GALNTL6: variants seen among roughly 807,000 people sequenced by gnomAD.
GALNTL6 encodes the protein polypeptide N-acetylgalactosaminyltransferase like 6.
In GALNTL6, 46 loss-of-function variants were observed where a neutral mutation model predicts 73.7. The observed-to-expected ratio is 0.62, with a 90% CI of 0.49 to 0.80. GALNTL6 has a LOEUF of 0.80. Among genes scored for constraint, GALNTL6 ranks in the 30% least tolerant of loss-of-function variants. The pLI, the probability that GALNTL6 is intolerant of heterozygous loss-of-function variation, is 0.00. For missense variants in GALNTL6, 604 were observed against 755.0 expected, an observed-to-expected ratio of 0.80 and a Z score of 2.34; for synonymous variants, 259 against 263.7, an observed-to-expected ratio of 0.98 and a Z score of 0.17.
chr4:172,070,546 T>C lies in GALNTL6; in HGVS notation c.139-159110T>C, dbSNP rs1198063681. On this transcript the variant is annotated intron_variant, in intron 2 of 12. Coordinates refer to ENST00000506823, the MANE Select transcript of GALNTL6 (RefSeq NM_001034845.3). ...TATAAGCCAGCTCTGTCTGGCTCTC[T>C]TTCTCTTGCCTATTTGCCACATGAT... 1.6e-4 allele frequency among the ~76,000 whole-genome samples: 18 copies of C among 109,392 alleles called. 6 individuals carry two copies. The highest frequency in any genetic ancestry group is 6.2e-4 in the African/African-American group (18 of 28,912). 71.8% of individuals were successfully genotyped at this position (109,392 alleles called of 152,430 possible).
chr4:172,225,260 G>A (rs1736814640), intron 2 of GALNTL6, among the ~76,000 whole-genome samples: 1 of 152,034 alleles, frequency 6.6e-6, no homozygotes, highest in South Asian at 2.1e-4. Flanking sequence ...TCTACTGGAT[G>A]GTTAAGCTTT....
At chr4:172,021,922 G>A (rs77620614) in intron 2 of GALNTL6, among the ~76,000 whole-genome samples, 2,204 of 152,004 alleles carry the variant, frequency 0.014, 51 homozygotes, top group African/African-American at 0.046. Context: ...GCTTTCCATA[G>A]GCAAAACTCA....
chr4:172,076,124 T>C (rs1412776596), intron 2 of GALNTL6, among the ~76,000 whole-genome samples: 1 of 152,214 alleles, frequency 6.6e-6, no homozygotes, highest in African/African-American at 2.4e-5. Context: ...ACCACCATTT[T>C]GGGAATTGAC....
chr4:171,818,036 A>G (rs568311927), intron 2 of GALNTL6, among the ~76,000 whole-genome samples: 11 of 151,700 alleles, frequency 7.3e-5, no homozygotes, highest in African/African-American at 2.6e-4. Flanking sequence ...ATATATATGT[A>G]TATTAAAAGA....
intron 12 of GALNTL6, among the ~76,000 whole-genome samples, chr4:173,038,280 G>A (rs180865132): frequency 1.9e-3 from 286 of 152,308 alleles, no homozygotes; most frequent in African/African-American, 6.5e-3. Context: ...GGGAAGAAGA[G>A]AGAAGACAGC....
At chr4:172,859,420 A>G (rs919288458) in intron 7 of GALNTL6, among the ~76,000 whole-genome samples, 1 of 152,174 alleles carries the variant, frequency 6.6e-6, no homozygotes, top group East Asian at 1.9e-4. Context: ...GCGCTTCAGT[A>G]TAAGAAGCCC....
At chr4:172,288,260 T>A (rs910075391) in intron 3 of GALNTL6, among the ~76,000 whole-genome samples, 1 of 151,912 alleles carries the variant, frequency 6.6e-6, no homozygotes, top group Admixed American at 6.6e-5. Flanking sequence ...CCAGCTAATT[T>A]TTTTGTATTT....
chr4:172,190,096 CAAGT>C (rs1223386535), intron 2 of GALNTL6, among the ~76,000 whole-genome samples: 1 of 152,036 alleles, frequency 6.6e-6, no homozygotes, highest in Non-Finnish European at 1.5e-5. Context: ...TAAAAGAATA[CAAGT>C]AAGAAAAGGG....
chr4:172,382,168 C>T (rs1196355803), intron 5 of GALNTL6, among the ~76,000 whole-genome samples: 1 of 152,082 alleles, frequency 6.6e-6, no homozygotes, highest in African/African-American at 2.4e-5. Context: ...GGGGTTTCAC[C>T]ATTTTGGCAA....
chr4:172,671,364 AC>A (rs1403137091), intron 5 of GALNTL6, among the ~76,000 whole-genome samples: 1 of 151,310 alleles, frequency 6.6e-6, no homozygotes, highest in African/African-American at 2.4e-5. Flanking sequence ...GAGATGTTTC[AC>A]CTCCCTAGTT....
intron 3 of GALNTL6, among the ~76,000 whole-genome samples, chr4:172,257,228 T>A (rs899419059): frequency 6.6e-6 from 1 of 151,400 alleles, no homozygotes; most frequent in Non-Finnish European, 1.5e-5. Context: ...ATTGCTACAC[T>A]TTGCACTCAT....
At chr4:172,993,746 T>C (rs1465296583) in intron 10 of GALNTL6, among the ~76,000 whole-genome samples, 2 of 152,186 alleles carry the variant, frequency 1.3e-5, no homozygotes, top group Non-Finnish European at 2.9e-5. Context: ...AATCTCACTG[T>C]CTTCCCAAGA....
chr4:171,827,231 C>T (rs1334995495), intron 2 of GALNTL6, among the ~76,000 whole-genome samples: 1 of 152,110 alleles, frequency 6.6e-6, no homozygotes. Context: ...AGGAAGATTA[C>T]TTTATTACTC....
intron 11 of GALNTL6, among the ~76,000 whole-genome samples, chr4:173,016,545 T>C (rs1020241354): frequency 2.6e-5 from 4 of 152,222 alleles, no homozygotes; most frequent in African/African-American, 9.6e-5. Context: ...CCACTGGATT[T>C]TGGACTTGCA....
At chr4:172,775,573 C>A (rs10029310) in intron 5 of GALNTL6, among the ~76,000 whole-genome samples, 6,730 of 152,208 alleles carry the variant, frequency 0.044, 257 homozygotes, top group African/African-American at 0.1. Context: ...CCAAGGGATT[C>A]TTTTTTCCCT....
intron 1 of GALNTL6, 124 bp downstream of exon 1, chr4:171,814,114 T>A: frequency 5.9e-6 from 1 of 168,472 alleles, no homozygotes; most frequent in Non-Finnish European, 1.3e-5. Flanking sequence ...CCAGTTCCTC[T>A]CAGTTCTGTC....
At chr4:172,614,580 G>A (rs1232494150) in intron 5 of GALNTL6, among the ~76,000 whole-genome samples, 1 of 152,140 alleles carries the variant, frequency 6.6e-6, no homozygotes, top group Non-Finnish European at 1.5e-5. Context: ...AGCATCTTCA[G>A]ATATTAGAAA....
At chr4:172,195,234 A>G (rs1735720501) in intron 2 of GALNTL6, among the ~76,000 whole-genome samples, 2 of 152,178 alleles carry the variant, frequency 1.3e-5, no homozygotes, top group South Asian at 4.1e-4. Context: ...ATTCAACAAA[A>G]AGAACTATAC....
chr4:172,482,691 G>A (rs561075243), intron 5 of GALNTL6, among the ~76,000 whole-genome samples: 1 of 152,300 alleles, frequency 6.6e-6, no homozygotes, highest in Admixed American at 6.5e-5. Context: ...TTTGTATGCT[G>A]CAGAAACATG....
Sources: allele counts gnomAD v4.1 joint callset (sites outside exome capture counted in the v4.1 genomes callset), GRCh38; gene constraint gnomAD v4.1.1; transcripts MANE v1.5; gene names NCBI Gene and HGNC (gene_info 2026-07-23, HGNC 2026-07-21).